Variants in SLC16A7 observed in about 807,000 individuals in gnomAD.
SLC16A7 encodes the protein solute carrier family 16 member 7, also known as monocarboxylate transporter 2.
SLC16A7 carries 33 observed loss-of-function variants against 34.9 expected under a neutral mutation model. The observed-to-expected ratio is 0.94, with a 90% CI of 0.72 to 1.26. The LOEUF (loss-of-function observed/expected upper bound fraction) is 1.26. Among genes scored for constraint, SLC16A7 ranks in the 50% most tolerant of loss-of-function variants. The pLI, the probability that SLC16A7 is intolerant of heterozygous loss-of-function variation, is 0.00. For synonymous variants in SLC16A7, 201 were observed against 206.6 expected (o/e 0.97, Z 0.23); for missense variants, 573 against 578.1 (o/e 0.99, Z 0.09).
rs187356996 is a variant in SLC16A7, at chr12:59,737,717, C to G, written c.217+32699C>G. 4.3e-4 allele frequency among the ~76,000 whole-genome samples: 65 copies of G among 152,200 alleles called. 1 individual carries two copies. The highest frequency in any genetic ancestry group is 7.4e-4 in the Non-Finnish European group (50 of 68,004). On this transcript the variant is annotated intron_variant, in intron 3 of 5. Transcript: ENST00000547379. ...TAGATTGTCCTGACTCTAGCCTGTC[C>G]CTGTTACACAATTTTCCCTAGCTCT...
intron 3 of SLC16A7, among the ~76,000 whole-genome samples, chr12:59,755,896 T>C (rs1880269232): frequency 1.3e-5 from 2 of 152,148 alleles, no homozygotes; most frequent in Admixed American, 1.3e-4. Context: ...ATGGTACTGG[T>C]ACCAAAACAG....
At chr12:59,625,900 C>T (rs1592405356) in intron 1 of SLC16A7, among the ~76,000 whole-genome samples, 1 of 151,628 alleles carries the variant, frequency 6.6e-6, no homozygotes, top group Non-Finnish European at 1.5e-5. Context: ...CATATAATTC[C>T]CTTTATATAA....
chr12:59,752,275 G>C (rs192088983), intron 3 of SLC16A7, among the ~76,000 whole-genome samples: 1 of 152,312 alleles, frequency 6.6e-6, no homozygotes, highest in East Asian at 1.9e-4. Flanking sequence ...GACGAGTTGA[G>C]AGAAGAAGGA....
rs1873080198 is a variant in SLC16A7 at position 59,703,075 on chromosome 12, T to C, written c.-30-1697T>C. On this transcript the variant is annotated intron_variant, in intron 2 of 5. Transcript: ENST00000547379. ...AGTACACAGTATTTATTGAGTGAGA[T>C]CCCCTTATCCATTTTTGTATACCTA... 2.0e-5 allele frequency among the ~76,000 whole-genome samples: 3 copies of C among 152,098 alleles called. No individual in the cohort carries two copies. The South Asian group carries it at 6.2e-4, about 31-fold the overall frequency.
chr12:59,649,798 A>G (rs1592434406), intron 1 of SLC16A7, among the ~76,000 whole-genome samples: 1 of 151,986 alleles, frequency 6.6e-6, no homozygotes, highest in Admixed American at 6.6e-5. Context: ...AAAATACAAA[A>G]ATTAGCCAGG....
At chr12:59,726,995 T>G (rs1401474345) in intron 3 of SLC16A7, among the ~76,000 whole-genome samples, 1 of 151,870 alleles carries the variant, frequency 6.6e-6, no homozygotes, top group Admixed American at 6.6e-5. Context: ...CTAAATTCAT[T>G]TACTTATCTA....
chr12:59,709,701 A>G (rs1195244569), intron 3 of SLC16A7, among the ~76,000 whole-genome samples: 3 of 151,636 alleles, frequency 2.0e-5, no homozygotes, highest in Non-Finnish European at 4.4e-5. Context: ...TAGGCTGTGG[A>G]CTTTTTATAT....
At chr12:59,673,956 C>T (rs535950937) in intron 2 of SLC16A7, among the ~76,000 whole-genome samples, 1 of 152,236 alleles carries the variant, frequency 6.6e-6, no homozygotes, top group Non-Finnish European at 1.5e-5. Context: ...CAAGCCTCAA[C>T]CAAAATATTT....
chr12:59,769,094 A>C (rs560703162), intron 3 of SLC16A7: 5 of 152,274 alleles, frequency 3.3e-5, no homozygotes, highest in African/African-American at 1.2e-4. Context: ...AGGACCCTCC[A>C]CCAGCAAAAA....
intron 1 of SLC16A7, among the ~76,000 whole-genome samples, chr12:59,614,824 T>TAAAAAAA (rs71448588): frequency 5.6e-5 from 2 of 35,754 alleles, no homozygotes; most frequent in African/African-American, 1.2e-4. Context: ...CCATTCCTAC[T>TAAAAAAA]AAAAAAAAAA....
chr12:59,756,672 T>A (rs1044278696), intron 3 of SLC16A7, among the ~76,000 whole-genome samples: 1 of 142,202 alleles, frequency 7.0e-6, no homozygotes, highest in Non-Finnish European at 1.5e-5. Flanking sequence ...TGTAAACTAG[T>A]TCAACCATTG....
intron 3 of SLC16A7, among the ~76,000 whole-genome samples, chr12:59,725,175 A>G (rs929148072): frequency 6.6e-6 from 1 of 152,110 alleles, no homozygotes; most frequent in African/African-American, 2.4e-5. Context: ...ATGCCATTCT[A>G]CAGGTATGGT....
intron 3 of SLC16A7, among the ~76,000 whole-genome samples, chr12:59,734,338 A>C (rs953791957): frequency 2.6e-5 from 4 of 152,214 alleles, no homozygotes; most frequent in Non-Finnish European, 5.9e-5. Context: ...TGGCCAGATC[A>C]CAACAGCACC....
chr12:59,672,385 G>T (rs1208112291), intron 2 of SLC16A7, among the ~76,000 whole-genome samples: 4 of 150,652 alleles, frequency 2.7e-5, no homozygotes, highest in Non-Finnish European at 5.9e-5. Context: ...TGGAAAGCAG[G>T]CCGGACCAGC....
chr12:59,614,655 G>T (rs1193379884), intron 1 of SLC16A7, among the ~76,000 whole-genome samples: 2 of 151,464 alleles, frequency 1.3e-5, no homozygotes, highest in Non-Finnish European at 2.9e-5. Context: ...GTTTGTGAGG[G>T]TTCCTGCCTT....
intron 1 of SLC16A7, among the ~76,000 whole-genome samples, chr12:59,640,437 G>GA (rs1020732575): frequency 6.6e-6 from 1 of 151,760 alleles, no homozygotes; most frequent in African/African-American, 2.4e-5. Context: ...CCCCCCCAGA[G>GA]AAAAAATAAT....
chr12:59,764,146 T>C (rs1317776225), intron 3 of SLC16A7: 5 of 152,150 alleles, frequency 3.3e-5, no homozygotes, highest in African/African-American at 1.2e-4. Flanking sequence ...GCACTAAGGT[T>C]AGCCAAGTTG....
chr12:59,699,110 A>T (rs889467186), intron 2 of SLC16A7, among the ~76,000 whole-genome samples: 5 of 151,542 alleles, frequency 3.3e-5, no homozygotes, highest in African/African-American at 4.8e-5. Context: ...TTTTATTTTT[A>T]AAATTTTAAA....
At chr12:59,744,515 C>A (rs1413577442) in intron 3 of SLC16A7, among the ~76,000 whole-genome samples, 1 of 152,142 alleles carries the variant, frequency 6.6e-6, no homozygotes, top group Non-Finnish European at 1.5e-5. Context: ...TCCATATTCA[C>A]CAACCCTCAA....
Sources: allele counts gnomAD v4.1 joint callset (sites outside exome capture counted in the v4.1 genomes callset), GRCh38; gene constraint gnomAD v4.1.1; transcripts MANE v1.5; gene names NCBI Gene and HGNC (gene_info 2026-07-23, HGNC 2026-07-21).